SLC38A1: variants seen among roughly 807,000 people sequenced by gnomAD.
The protein encoded by SLC38A1 is sodium-coupled neutral amino acid symporter 1.
In SLC38A1, 18 loss-of-function variants were observed where a neutral mutation model predicts 60.3. The ratio of observed to expected loss-of-function variants is 0.30; its 90% CI spans 0.21 to 0.44. SLC38A1 has a LOEUF of 0.44. SLC38A1 is among the 20% of genes least tolerant of loss of function. The pLI, the probability that SLC38A1 is intolerant of heterozygous loss-of-function variation, is 1.00. For synonymous variants in SLC38A1, 196 were observed against 212.1 expected (o/e 0.92, Z 0.66); for missense variants, 448 against 587.2 (o/e 0.76, Z 2.45).
chr12:46,206,261 A>C lies in SLC38A1; in HGVS notation c.564-99T>G, dbSNP rs567903826. The C allele has an allele frequency of 1.2e-4, 70 of 600,506 alleles. No individual in the cohort carries two copies. The African/African-American group carries it at 1.3e-3, about 11-fold the overall frequency. 37.2% of individuals were successfully genotyped at this position (600,506 alleles called of 1,614,324 possible). Reference sequence around the variant, plus strand: ...TGATATCATGATATATATTTTTATTAATTTTTACTATATGCATTAATTTTT... The same window carrying C: ...TGATATCATGATATATATTTTTATTCATTTTTACTATATGCATTAATTTTT... On this transcript the variant is annotated intron_variant, in intron 8 of 16. Transcript: ENST00000398637.
At chr12:46,224,537 C>G (rs931528853) in intron 5 of SLC38A1, among the ~76,000 whole-genome samples, 1 of 152,168 alleles carries the variant, frequency 6.6e-6, no homozygotes, top group Non-Finnish European at 1.5e-5. Context: ...CACTAAGGAG[C>G]CTTCCCAGCT....
At chr12:46,211,723 A>G (rs1348212098) in intron 5 of SLC38A1, among the ~76,000 whole-genome samples, 1 of 152,296 alleles carries the variant, frequency 6.6e-6, no homozygotes, top group African/African-American at 2.4e-5. Context: ...ACACAACAGA[A>G]TGAGGTGCTC....
Position 46,209,302 on chromosome 12 carries a change from A to C in SLC38A1, c.315-175T>G, listed in dbSNP as rs568496927. Reference sequence around the variant, plus strand: ...AAATCCTCAACAAAAATGTCCTACCAAATAAAGAAGTGCTCATTAGAATCT... The same window carrying C: ...AAATCCTCAACAAAAATGTCCTACCCAATAAAGAAGTGCTCATTAGAATCT... On this transcript the variant is annotated intron_variant, in intron 5 of 16. Transcript: ENST00000398637. Among the ~76,000 whole-genome samples, 4 of 152,364 alleles carry C rather than the reference A, an allele frequency of 2.6e-5. No homozygotes were observed. In the East Asian group the frequency reaches 7.7e-4, roughly 29 times the overall value.
rs151306300 is a variant in SLC38A1 at position 46,221,144 on chromosome 12, T to C, written c.314+8009A>G. Among the ~76,000 whole-genome samples the C allele has an allele frequency of 2.3e-3, 349 of 152,252 alleles. 1 individual carries two copies. Among genetic ancestry groups the C allele is most frequent in the African/African-American group, 7.3e-3 (305 of 41,536 alleles). ...GGATCATAGACAATACAATGGTGCA[T>C]AGTTTTGCTGGTAGGATAATTACAA... On this transcript the variant is annotated intron_variant, in intron 5 of 16. Coordinates refer to ENST00000398637, the MANE Select transcript of SLC38A1 (RefSeq NM_030674.4).
intron 16 of SLC38A1, among the ~76,000 whole-genome samples, chr12:46,192,579 G>C (rs998604492): frequency 6.6e-6 from 1 of 151,966 alleles, no homozygotes; most frequent in African/African-American, 2.4e-5. Flanking sequence ...TTTTTGGTTG[G>C]TAGGCTATTA....
At chr12:46,213,076 A>T (rs1397150470) in intron 5 of SLC38A1, among the ~76,000 whole-genome samples, 1 of 152,218 alleles carries the variant, frequency 6.6e-6, no homozygotes, top group East Asian at 1.9e-4. Context: ...CATCTCAGTC[A>T]TGGTCCAGTT....
At position 46,183,597 on chromosome 12, in the gene SLC38A1, T is replaced by C. The variant is rs1290201836; in HGVS notation, c.*5373A>G. On this transcript the variant is annotated 3_prime_UTR_variant, in exon 17 of 17. Coordinates refer to ENST00000398637, the MANE Select transcript of SLC38A1 (RefSeq NM_030674.4). ...ACATTCTTCTCCCCAGCTTCTGTTTTCATATGTACTGTGTAGTGGTATCAG... is the reference window on the plus strand; with the variant it reads ...ACATTCTTCTCCCCAGCTTCTGTTTCCATATGTACTGTGTAGTGGTATCAG... The C allele has an allele frequency of 6.6e-6, 1 of 152,146 alleles. No individual in the cohort carries two copies. The highest frequency in any genetic ancestry group is 1.5e-5 in the Non-Finnish European group (1 of 68,048). The allele number at this position is 152,146 out of a possible 1,614,324, so 9.4% of individuals were successfully genotyped here. A position where few individuals can be genotyped will look rare whatever the true frequency, so the allele number is the denominator to read the frequency against.
chr12:46,199,528 T>TC (rs904629585), intron 13 of SLC38A1, among the ~76,000 whole-genome samples: 64 of 151,786 alleles, frequency 4.2e-4, no homozygotes, highest in Non-Finnish European at 7.8e-4. Context: ...TTTTGTATTT[T>TC]TTTTTTTTTT....
At chr12:46,221,727 T>C (rs1370751205) in intron 5 of SLC38A1, among the ~76,000 whole-genome samples, 2 of 152,220 alleles carry the variant, frequency 1.3e-5, no homozygotes, top group Non-Finnish European at 2.9e-5. Context: ...GAATTTGGCA[T>C]TAATCCTGCC....
At chr12:46,250,822 A>G (rs1941811604) in intron 1 of SLC38A1, among the ~76,000 whole-genome samples, 1 of 152,326 alleles carries the variant, frequency 6.6e-6, no homozygotes, top group Admixed American at 6.5e-5. Context: ...ACTACAAACT[A>G]CTGCTCAACG....
chr12:46,202,932 G>C (rs1424064123), intron 12 of SLC38A1, 78 bp downstream of exon 12: 6 of 1,091,790 alleles, frequency 5.5e-6, no homozygotes, highest in Non-Finnish European at 8.2e-6. Context: ...AGACAAGTCC[G>C]TTTATTTTAA....
chr12:46,260,694 C>G (rs1429358808), intron 1 of SLC38A1, among the ~76,000 whole-genome samples: 2 of 152,204 alleles, frequency 1.3e-5, no homozygotes, highest in Admixed American at 1.3e-4. Flanking sequence ...TGCACCTTCT[C>G]CTTGTCACTC....
chr12:46,198,236 A>G (rs1387284554), intron 14 of SLC38A1, among the ~76,000 whole-genome samples, 176 bp from the exon 15 acceptor site: 1 of 151,896 alleles, frequency 6.6e-6, no homozygotes, highest in Admixed American at 6.6e-5. Flanking sequence ...CTTAAGAGGG[A>G]AAGTATTTTT....
In SLC38A1 at chr12:46,242,872, C is replaced by T. The variant is rs149393658; in HGVS notation, c.-94+328G>A. Among the ~76,000 whole-genome samples, 61 of 152,214 alleles carry T rather than the reference C, an allele frequency of 4.0e-4. 1 individual carries two copies. In the East Asian group the frequency reaches 0.012, roughly 29 times the overall value. On this transcript the variant is annotated intron_variant, in intron 2 of 16. Coordinates refer to ENST00000398637, the MANE Select transcript of SLC38A1 (RefSeq NM_030674.4). ...AACAGATATTGTAAAAGAAATTCTACCACCCCCAAATGGGCCACTGTTAAG... is the reference window on the plus strand; with the variant it reads ...AACAGATATTGTAAAAGAAATTCTATCACCCCCAAATGGGCCACTGTTAAG...
intron 3 of SLC38A1, among the ~76,000 whole-genome samples, chr12:46,234,450 T>TTTC (rs1565781070): frequency 2.9e-5 from 4 of 140,004 alleles, no homozygotes; most frequent in South Asian, 2.3e-4. Context: ...TTCTTTCTTT[T>TTTC]TTTTTTTTTT....
chr12:46,262,408 A>C (rs1170489421), intron 1 of SLC38A1, among the ~76,000 whole-genome samples: 7 of 152,184 alleles, frequency 4.6e-5, no homozygotes, highest in Non-Finnish European at 8.8e-5. Flanking sequence ...ATTGAATCTT[A>C]ATTAATTAGA....
At chr12:46,244,352 T>C (rs1941545000) in intron 1 of SLC38A1, among the ~76,000 whole-genome samples, 1 of 152,238 alleles carries the variant, frequency 6.6e-6, no homozygotes, top group African/African-American at 2.4e-5. Context: ...GCTAACACTT[T>C]GTGGTGGATT....
intron 3 of SLC38A1, among the ~76,000 whole-genome samples, chr12:46,230,168 G>C (rs1220901441): frequency 2.0e-5 from 3 of 152,146 alleles, no homozygotes; most frequent in Non-Finnish European, 4.4e-5. Flanking sequence ...TTGTTAAATA[G>C]AAATTCCCTC....
intron 12 of SLC38A1, among the ~76,000 whole-genome samples, chr12:46,202,726 G>A (rs149602527): frequency 5.6e-4 from 86 of 152,228 alleles, no homozygotes; most frequent in Middle Eastern, 6.8e-3. Context: ...AACTTTCCTC[G>A]GTGATACAAT....
Sources: allele counts gnomAD v4.1 joint callset (sites outside exome capture counted in the v4.1 genomes callset), GRCh38; gene constraint gnomAD v4.1.1; transcripts MANE v1.5; gene names NCBI Gene and HGNC (gene_info 2026-07-23, HGNC 2026-07-21).